JMJD1C: variants seen among roughly 807,000 people sequenced by gnomAD.
The protein encoded by JMJD1C is jumonji domain-containing protein 1C.
JMJD1C carries 31 observed loss-of-function variants against 245.3 expected under a neutral mutation model. That is an observed-to-expected ratio of 0.13 (90% CI 0.09 to 0.17). The LOEUF is 0.17. Among genes scored for constraint, JMJD1C ranks in the 10% least tolerant of loss-of-function variants. The pLI, the probability that JMJD1C is intolerant of heterozygous loss-of-function variation, is 1.00. For missense variants in JMJD1C, 2,691 were observed against 3,000.2 expected (o/e 0.90, Z 2.41); for synonymous variants, 1,057 against 1,017.4 (o/e 1.04, Z -0.74).
At chr10:63,333,735 G>A (rs1002262044) in intron 2 of JMJD1C, among the ~76,000 whole-genome samples, 1 of 152,026 alleles carries the variant, frequency 6.6e-6, no homozygotes, top group Non-Finnish European at 1.5e-5. Flanking sequence ...TTATTCTTCT[G>A]TAAAAAAACG....
At chr10:63,516,804 T>G (rs1955030162) in intron 1 of JMJD1C, among the ~76,000 whole-genome samples, 1 of 152,238 alleles carries the variant, frequency 6.6e-6, no homozygotes, top group South Asian at 2.1e-4. Flanking sequence ...ATACCTATAG[T>G]GAATACTTAA....
At chr10:63,176,185 A>T in intron 24 of JMJD1C, 112 bp downstream of exon 24, 1 of 586,336 alleles carries the variant, frequency 1.7e-6, no homozygotes, top group Non-Finnish European at 2.9e-6. Flanking sequence ...TGGTGCAGGT[A>T]ATTCTCTTAT....
Position 63,213,747 on chromosome 10 carries a change from G to A in JMJD1C, c.2420C>T (p.Ser807Phe). The part of the protein sequence containing the change: ...PTVLPGVPTA[S>F]LLGGHPRLES... ...TAGTCGTGGGTGGCCACCAAGTAAG[G>A]AGGCAGTAGGCACTCCAGGTAACAC... The change falls in exon 8 of 26, where the codon TCC becomes TTC. Residue 807 changes from serine to phenylalanine, a missense_variant. Transcript: ENST00000399262. The A allele has an allele frequency of 1.2e-6, 2 of 1,614,166 alleles. No individual in the cohort carries two copies.
chr10:63,276,393 G>A (rs1856773513), intron 2 of JMJD1C, among the ~76,000 whole-genome samples: 1 of 150,380 alleles, frequency 6.6e-6, no homozygotes, highest in Non-Finnish European at 1.5e-5. Flanking sequence ...GTGAACCTGG[G>A]AGGCGGAACT....
upstream of JMJD1C, among the ~76,000 whole-genome samples, chr10:63,467,495 C>T (rs1589805302): frequency 6.6e-6 from 1 of 152,122 alleles, no homozygotes; most frequent in East Asian, 1.9e-4. Context: ...TCAACAAGAG[C>T]AAAACTCAGT....
chr10:63,246,006 T>C (rs1389183141), intron 3 of JMJD1C, among the ~76,000 whole-genome samples: 1 of 152,012 alleles, frequency 6.6e-6, no homozygotes, highest in Non-Finnish European at 1.5e-5. Context: ...AGCTCAAAGA[T>C]AGGCTATTTA....
At chr10:63,225,023 C>CT (rs1849083248) in intron 3 of JMJD1C, among the ~76,000 whole-genome samples, 1 of 151,576 alleles carries the variant, frequency 6.6e-6, no homozygotes, top group African/African-American at 2.4e-5. Context: ...GATTGCACCA[C>CT]TGCACTCCAG....
At chr10:63,355,558 G>GAGAAAAA (rs1944762826) in intron 2 of JMJD1C, among the ~76,000 whole-genome samples, 2 of 152,080 alleles carry the variant, frequency 1.3e-5, no homozygotes, top group Admixed American at 6.6e-5. Flanking sequence ...AGACCAGAAA[G>GAGAAAAA]CTACTCTTGG....
chr10:63,296,778 A>T (rs560906656), intron 2 of JMJD1C, among the ~76,000 whole-genome samples: 20 of 152,362 alleles, frequency 1.3e-4, no homozygotes, highest in African/African-American at 4.3e-4. Context: ...TCTACATGCT[A>T]GTAAGCCTAG....
intron 3 of JMJD1C, 95 bp from the exon 4 acceptor site, chr10:63,220,078 ATT>A: frequency 1.2e-6 from 1 of 838,020 alleles, no homozygotes. Flanking sequence ...ACTGAATAAA[ATT>A]CCTTTGATCT....
At position 63,215,055 on chromosome 10, in the gene JMJD1C, T is replaced by C. The variant is rs528244230; in HGVS notation, c.1112A>G (p.Asn371Ser). ...KLNMKRLRTD[N>S]VSDFSESSDS... ...ACTGCTCTCAGAAAAGTCTGAAACATTGTCAGTTCGAAGTCTTTTCATATT... is the reference window on the plus strand; with the variant it reads ...ACTGCTCTCAGAAAAGTCTGAAACACTGTCAGTTCGAAGTCTTTTCATATT... The change falls in exon 8 of 26, where the codon AAT (asparagine) becomes AGT (serine). Residue 371 changes from asparagine to serine, a missense_variant. Coordinates refer to ENST00000399262, the MANE Select transcript of JMJD1C (RefSeq NM_032776.3). The C allele has an allele frequency of 8.0e-5, 129 of 1,607,060 alleles. 1 individual carries two copies. The East Asian group carries it at 2.2e-3, about 27-fold the overall frequency.
At chr10:63,364,367 T>C (rs998603355) in intron 2 of JMJD1C, among the ~76,000 whole-genome samples, 2 of 152,206 alleles carry the variant, frequency 1.3e-5, no homozygotes, top group East Asian at 1.9e-4. Context: ...TCCTGTTAAA[T>C]TGGTCACTAA....
intron 2 of JMJD1C, among the ~76,000 whole-genome samples, chr10:63,326,547 G>C (rs1941543952): frequency 6.6e-6 from 1 of 151,968 alleles, no homozygotes. Context: ...TGGAGGCGGA[G>C]AGGTGGACAG....
intron 3 of JMJD1C, among the ~76,000 whole-genome samples, chr10:63,243,542 T>C (rs1851793524): frequency 6.6e-6 from 1 of 152,148 alleles, no homozygotes; most frequent in South Asian, 2.1e-4. Context: ...AAATTTTTTT[T>C]CACTAATTTG....
chr10:63,310,126 C>T (rs1197544077), intron 2 of JMJD1C, among the ~76,000 whole-genome samples: 4 of 152,026 alleles, frequency 2.6e-5, no homozygotes, highest in African/African-American at 7.2e-5. Context: ...TAGAAAAAAG[C>T]GTAAACCCTA....
intron 1 of JMJD1C, among the ~76,000 whole-genome samples, chr10:63,461,494 G>C (rs1248250602): frequency 1.3e-5 from 2 of 152,030 alleles, no homozygotes; most frequent in Admixed American, 6.6e-5. Flanking sequence ...AAAACAAAAA[G>C]GGGTTTTATT....
upstream of JMJD1C, among the ~76,000 whole-genome samples, chr10:63,469,115 C>T (rs1953409993): frequency 2.0e-5 from 3 of 152,152 alleles, no homozygotes; most frequent in Admixed American, 2.0e-4. Flanking sequence ...CACTTTTTGA[C>T]TTGGTATGTA....
At chr10:63,243,243 T>G (rs1332777052) in intron 3 of JMJD1C, among the ~76,000 whole-genome samples, 2 of 151,528 alleles carry the variant, frequency 1.3e-5, no homozygotes, top group African/African-American at 4.9e-5. Context: ...TTTGATTAAT[T>G]TGGCCAGGCG....
chr10:63,334,058 A>G (rs1305102126), intron 2 of JMJD1C, among the ~76,000 whole-genome samples: 1 of 152,220 alleles, frequency 6.6e-6, no homozygotes, highest in African/African-American at 2.4e-5. Context: ...AATAACCTTC[A>G]GAGACTGTAC....
Sources: gnomAD v4.1 joint callset for allele counts (sites outside exome capture counted in the v4.1 genomes callset) on GRCh38, gnomAD v4.1.1 for gene constraint, MANE v1.5 for transcripts, NCBI Gene and HGNC (gene_info 2026-07-23, HGNC 2026-07-21) for gene names.